FERMT2: variants seen among roughly 807,000 people sequenced by gnomAD.
FERMT2 encodes FERM domain containing kindlin 2.
A neutral mutation model predicts 82.7 loss-of-function variants in FERMT2; 15 were observed. The ratio of observed to expected loss-of-function variants is 0.18; its 90% confidence interval spans 0.12 to 0.28. The LOEUF is 0.28. Among genes scored for constraint, FERMT2 ranks in the 10% least tolerant of loss-of-function variants. FERMT2 has a pLI of 1.00. For synonymous variants in FERMT2, 274 were observed against 271.5 expected, an observed-to-expected ratio of 1.01 and a Z score of -0.09; for missense variants, 645 against 809.4, an observed-to-expected ratio of 0.80 and a Z score of 2.46.
At chr14:52,895,323 T>C (rs1887196158) in intron 3 of FERMT2, among the ~76,000 whole-genome samples, 1 of 152,230 alleles carries the variant, frequency 6.6e-6, no homozygotes, top group African/African-American at 2.4e-5. Flanking sequence ...AACATACATG[T>C]ACCACACAAC....
chr14:52,874,192 T>C lies in FERMT2; in HGVS notation c.1133A>G (p.Tyr378Cys). The change falls in exon 9 of 15, where the codon TAC (tyrosine) becomes TGC (cysteine). Residue 378 changes from tyrosine (Y) to cysteine (C), a missense_variant. Transcript: ENST00000341590. ...DITSIPELAD[Y>C]IKVFKPKKLT... Reference sequence around the variant, plus strand: ...TTGTACTTACTTGAAAACTTTAATGTAGTCAGCAAGTTCAGGAATGGAAGT... The same window carrying C: ...TTGTACTTACTTGAAAACTTTAATGCAGTCAGCAAGTTCAGGAATGGAAGT... The C allele has an allele frequency of 1.9e-6, 3 of 1,597,594 alleles. No homozygotes were observed. Among genetic ancestry groups the C allele is most frequent in the Non-Finnish European group, 2.6e-6 (3 of 1,171,196 alleles).
chr14:52,906,140 C>A (rs1266222633), intron 3 of FERMT2, among the ~76,000 whole-genome samples: 1 of 152,066 alleles, frequency 6.6e-6, no homozygotes, highest in African/African-American at 2.4e-5. Flanking sequence ...GTTGAGAGAT[C>A]TGGGATGGCA....
chr14:52,865,165 C>T (rs931263923), intron 10 of FERMT2, among the ~76,000 whole-genome samples: 1 of 152,074 alleles, frequency 6.6e-6, no homozygotes, highest in Non-Finnish European at 1.5e-5. Context: ...CTACTAAATA[C>T]AAAAAATTAG....
chr14:52,922,863 C>T (rs1889040153), intron 2 of FERMT2, among the ~76,000 whole-genome samples: 1 of 152,134 alleles, frequency 6.6e-6, no homozygotes, highest in Non-Finnish European at 1.5e-5. Context: ...TCATGAGTCA[C>T]TTAACAAGGG....
chr14:52,880,400 CT>C (rs969773132), intron 6 of FERMT2, among the ~76,000 whole-genome samples: 2 of 151,872 alleles, frequency 1.3e-5, no homozygotes, highest in Non-Finnish European at 2.9e-5. Flanking sequence ...TTTGCCAATT[CT>C]TTTTTTTGTT....
At position 52,950,427 on chromosome 14, in the gene FERMT2, G is replaced by A; in HGVS notation, c.142C>T (p.Leu48=). The change falls in exon 2 of 15, where the codon CTG becomes TTG. Residue 48 remains leucine, a synonymous_variant. Coordinates refer to ENST00000341590, the MANE Select transcript of FERMT2 (RefSeq NM_006832.3). ...EVHIGGVMLK[L]VEKLDVKKDW... is the part of the protein sequence containing the mutation. ...TGCTACTCACCGAGTTTCTCCACCAGCTTAAGCATCACGCCTCCAATGTGC... is the reference window on the plus strand; with the variant it reads ...TGCTACTCACCGAGTTTCTCCACCAACTTAAGCATCACGCCTCCAATGTGC... 1 of 1,613,804 alleles carries A rather than the reference G, an allele frequency of 6.2e-7. No individual in the cohort carries two copies. Among genetic ancestry groups the A allele is most frequent in the Non-Finnish European group, 8.5e-7 (1 of 1,179,890 alleles).
intron 3 of FERMT2, among the ~76,000 whole-genome samples, chr14:52,910,476 T>C (rs1888254061): frequency 6.6e-6 from 1 of 152,100 alleles, no homozygotes; most frequent in Non-Finnish European, 1.5e-5. Context: ...GTGAAGCCTG[T>C]GTGCCAGAAT....
intron 2 of FERMT2, among the ~76,000 whole-genome samples, chr14:52,940,339 A>C (rs1278406066): frequency 6.6e-6 from 1 of 152,214 alleles, no homozygotes; most frequent in Non-Finnish European, 1.5e-5. Context: ...ATATACACGA[A>C]TTCACTTCCA....
intron 2 of FERMT2, among the ~76,000 whole-genome samples, chr14:52,933,392 A>T (rs1177750300): frequency 6.6e-6 from 1 of 152,086 alleles, no homozygotes; most frequent in East Asian, 1.9e-4. Flanking sequence ...AAACTTGATC[A>T]GTTTATTTGT....
intron 3 of FERMT2, among the ~76,000 whole-genome samples, chr14:52,909,614 T>G (rs1447477750): frequency 6.6e-6 from 1 of 151,852 alleles, no homozygotes; most frequent in African/African-American, 2.4e-5. Flanking sequence ...ATGGCGAAAT[T>G]CCACCTCTGC....
At chr14:52,866,366 C>T (rs189213721) in intron 10 of FERMT2, among the ~76,000 whole-genome samples, 111 of 152,262 alleles carry the variant, frequency 7.3e-4, no homozygotes, top group African/African-American at 2.6e-3. Context: ...GAACCCTATG[C>T]TGCAACCCCT....
intron 3 of FERMT2, among the ~76,000 whole-genome samples, chr14:52,910,522 AAC>A (rs1352069613): frequency 6.6e-6 from 1 of 152,210 alleles, no homozygotes; most frequent in Non-Finnish European, 1.5e-5. Context: ...GTTCTTTGAC[AAC>A]AGTCTTTCTG....
rs570501665 is a variant in FERMT2 at position 52,896,311 on chromosome 14, T to C, written c.392-2884A>G. On this transcript the variant is annotated intron_variant, in intron 3 of 14. Coordinates refer to ENST00000341590, the MANE Select transcript of FERMT2 (RefSeq NM_006832.3). ...ACTACAAAACTTGTAAAGCTGTAGA[T>C]TGCTAATTACTGGATCAAAATTTTA... Among the ~76,000 whole-genome samples, 17 of 152,322 alleles carry C rather than the reference T, an allele frequency of 1.1e-4. No individual in the cohort carries two copies. The South Asian group carries it at 3.1e-3, about 28-fold the overall frequency.
In FERMT2 at chr14:52,937,332, T is replaced by C. The variant is rs1889890939; in HGVS notation, c.157+13080A>G. On this transcript the variant is annotated intron_variant, in intron 2 of 14. Coordinates refer to ENST00000341590, the MANE Select transcript of FERMT2 (RefSeq NM_006832.3). ...AATATTAAGTGGATAAGTTAAGGAA[T>C]AACAGAATATCGTTTCACAGTTACC... Among the ~76,000 whole-genome samples, 3 of 152,202 alleles carry C rather than the reference T, an allele frequency of 2.0e-5. No homozygotes were observed. In the South Asian group the frequency reaches 6.2e-4, roughly 32 times the overall value.
rs763289720 is a variant in FERMT2 at position 52,861,075 on chromosome 14, G to GA, written c.1603-611dup. On this transcript the variant is annotated intron_variant, in intron 12 of 14. Transcript: ENST00000341590. Reference sequence around the variant, plus strand: ...CGAGGAAAGAAAAAGGAAGCAGAAAGAAAAAAAAAGGCAATCAGAAAAAAT... The same window carrying GA: ...CGAGGAAAGAAAAAGGAAGCAGAAAGAAAAAAAAAAGGCAATCAGAAAAAAT... The GA allele has an allele frequency of 1.1e-3, 1,638 of 1,432,268 alleles. 1 individual carries two copies. Among genetic ancestry groups the GA allele is most frequent in the African/African-American group, 1.8e-3 (117 of 66,166 alleles). The allele number at this position is 1,432,268 out of a possible 1,614,324, so 88.7% of individuals were successfully genotyped here.
chr14:52,912,519 T>TC (rs1888378091), intron 3 of FERMT2, among the ~76,000 whole-genome samples: 1 of 151,682 alleles, frequency 6.6e-6, no homozygotes, highest in East Asian at 1.9e-4. Context: ...TACTTTTTTT[T>TC]TTTTTTTTTG....
chr14:52,861,532 G>A (rs1884939512), intron 12 of FERMT2: 1 of 152,794 alleles, frequency 6.5e-6, no homozygotes, highest in African/African-American at 2.4e-5. Context: ...CATAAAATAA[G>A]TGCAGTGCCC....
rs1462768620 is a variant in FERMT2 at position 52,857,340 on chromosome 14, G to A, written c.*1037C>T. 6.6e-6 allele frequency: 1 copy of A among 152,504 alleles called. No homozygotes were observed. The highest frequency in any genetic ancestry group is 1.5e-5 in the Non-Finnish European group (1 of 68,016). The allele number at this position is 152,504 out of a possible 1,614,324, so 9.4% of individuals were successfully genotyped here. On this transcript the variant is annotated 3_prime_UTR_variant, in exon 15 of 15. Coordinates refer to ENST00000341590, the MANE Select transcript of FERMT2 (RefSeq NM_006832.3). ...TACAGTCTTTGAACCATGGATTATT[G>A]AACAATACTGGTAATCCACCTCTCC...
chr14:52,935,953 A>G (rs1049192769), intron 2 of FERMT2, among the ~76,000 whole-genome samples: 10 of 152,226 alleles, frequency 6.6e-5, no homozygotes, highest in Non-Finnish European at 1.5e-4. Context: ...GCAGTTACAG[A>G]ATGCATAAAC....
Sources: allele counts gnomAD v4.1 joint callset (sites outside exome capture counted in the v4.1 genomes callset), GRCh38; gene constraint gnomAD v4.1.1; transcripts MANE v1.5; gene names NCBI Gene and HGNC (gene_info 2026-07-23, HGNC 2026-07-21).